SCFD1: variants seen among roughly 807,000 people sequenced by gnomAD.
The protein encoded by SCFD1 is sec1 family domain containing 1.
A neutral mutation model predicts 103.2 loss-of-function variants in SCFD1; 37 were observed. That is an observed-to-expected ratio of 0.36 (90% confidence interval 0.28 to 0.47). SCFD1 has a LOEUF of 0.47. Among genes scored for constraint, SCFD1 ranks in the 20% least tolerant of loss-of-function variants. SCFD1 has a pLI of 1.00. For missense variants in SCFD1, 639 were observed against 761.2 expected, an observed-to-expected ratio of 0.84 and a Z score of 1.89; for synonymous variants, 264 against 245.0, an observed-to-expected ratio of 1.08 and a Z score of -0.73.
At chr14:30,706,609 A>G (rs1891487163) in intron 18 of SCFD1, among the ~76,000 whole-genome samples, 1 of 152,206 alleles carries the variant, frequency 6.6e-6, no homozygotes, top group Non-Finnish European at 1.5e-5. Context: ...AAGCAGTGCT[A>G]AATGATAGGA....
chr14:30,705,150 G>C (rs1410020725), intron 17 of SCFD1, among the ~76,000 whole-genome samples: 1 of 152,138 alleles, frequency 6.6e-6, no homozygotes. Context: ...AAAATCTGTG[G>C]TATATAATAT....
chr14:30,635,163 C>T (rs1884595824), intron 4 of SCFD1: 1 of 352,160 alleles, frequency 2.8e-6, no homozygotes, highest in Admixed American at 4.0e-5. Context: ...CCAGCTTTCT[C>T]TTTTACCCTG....
chr14:30,697,410 A>G (rs1890773670), intron 15 of SCFD1, among the ~76,000 whole-genome samples: 1 of 152,242 alleles, frequency 6.6e-6, no homozygotes, highest in South Asian at 2.1e-4. Flanking sequence ...CCAAGAGTCC[A>G]TGTGGACATA....
Position 30,669,325 on chromosome 14 carries a change from C to T in SCFD1, c.856-931C>T, listed in dbSNP as rs185225226. On this transcript the variant is annotated intron_variant, in intron 10 of 24. Coordinates refer to ENST00000458591, the MANE Select transcript of SCFD1 (RefSeq NM_016106.4). ...ATTTCAGTCATGCTGGATAATTTCTCCATACTGTGTCTTCCTTCTTCATCA... is the reference window on the plus strand; with the variant it reads ...ATTTCAGTCATGCTGGATAATTTCTTCATACTGTGTCTTCCTTCTTCATCA... Among the ~76,000 whole-genome samples, 240 of 152,124 alleles carry T rather than the reference C, an allele frequency of 1.6e-3. 1 individual carries two copies. The Middle Eastern group carries it at 0.021, about 13-fold the overall frequency.
At chr14:30,665,978 A>G (rs969517621) in intron 10 of SCFD1, among the ~76,000 whole-genome samples, 1 of 152,154 alleles carries the variant, frequency 6.6e-6, no homozygotes, top group African/African-American at 2.4e-5. Flanking sequence ...AGACTTTAAC[A>G]CCCCACTGTC....
intron 1 of SCFD1, among the ~76,000 whole-genome samples, chr14:30,624,779 C>A (rs183519413): frequency 6.6e-6 from 1 of 152,184 alleles, no homozygotes; most frequent in Non-Finnish European, 1.5e-5. Context: ...AGGCTTTATA[C>A]GATCTGGTTT....
At chr14:30,681,663 AAAAG>A (rs1366087795) in intron 14 of SCFD1, among the ~76,000 whole-genome samples, 4 of 148,224 alleles carry the variant, frequency 2.7e-5, no homozygotes, top group East Asian at 2.0e-4. Context: ...GCCAAGATAA[AAAAG>A]AGAGAGATGA....
chr14:30,683,946 A>T (rs1889708833), intron 14 of SCFD1, among the ~76,000 whole-genome samples: 1 of 152,148 alleles, frequency 6.6e-6, no homozygotes, highest in African/African-American at 2.4e-5. Flanking sequence ...TTGGTCATCA[A>T]CCCAGTCATT....
chr14:30,684,799 G>GTTTA (rs1889820677), intron 14 of SCFD1, among the ~76,000 whole-genome samples: 6 of 38,292 alleles, frequency 1.6e-4, no homozygotes, highest in East Asian at 9.7e-4. Flanking sequence ...TGTTGCAATT[G>GTTTA]TTTCTTTTTT....
chr14:30,728,260 A>G (rs1893192740), intron 23 of SCFD1, among the ~76,000 whole-genome samples: 1 of 152,206 alleles, frequency 6.6e-6, no homozygotes, highest in South Asian at 2.1e-4. Flanking sequence ...CCACTTTGAA[A>G]AGTGTTTCAA....
chr14:30,639,341 C>G (rs1885041834), intron 5 of SCFD1, among the ~76,000 whole-genome samples: 1 of 152,164 alleles, frequency 6.6e-6, no homozygotes, highest in African/African-American at 2.4e-5. Context: ...AATTTTTCTC[C>G]TACTCTGCAC....
intron 8 of SCFD1, 37 bp from the exon 9 acceptor site, chr14:30,650,528 A>T: frequency 8.3e-7 from 1 of 1,201,566 alleles, no homozygotes; most frequent in Non-Finnish European, 1.2e-6. Flanking sequence ...AAGTTATATG[A>T]AACTGTTAAG....
intron 2 of SCFD1, among the ~76,000 whole-genome samples, chr14:30,628,871 A>G (rs1234487049): frequency 2.0e-5 from 3 of 152,144 alleles, no homozygotes; most frequent in Non-Finnish European, 4.4e-5. Flanking sequence ...GTCTCTTTAT[A>G]TTTCTCTCTT....
At chr14:30,707,939 T>A (rs1299284793) in intron 18 of SCFD1, 51 bp from the exon 19 acceptor site, 1 of 1,196,048 alleles carries the variant, frequency 8.4e-7, no homozygotes, top group African/African-American at 1.5e-5. Context: ...GATAACAGAT[T>A]GGAGAGGCAC....
At chr14:30,683,383 C>A in intron 14 of SCFD1, 1 of 543,540 alleles carries the variant, frequency 1.8e-6, no homozygotes. Context: ...CTCAGGTCTT[C>A]ATATATTGTG....
intron 21 of SCFD1, among the ~76,000 whole-genome samples, chr14:30,720,902 T>G (rs1475206263): frequency 6.6e-6 from 1 of 152,160 alleles, no homozygotes; most frequent in African/African-American, 2.4e-5. Context: ...TATTTAATCC[T>G]TAATGTAGTT....
At chr14:30,694,066 A>G (rs1890512374) in intron 14 of SCFD1, among the ~76,000 whole-genome samples, 1 of 152,176 alleles carries the variant, frequency 6.6e-6, no homozygotes, top group African/African-American at 2.4e-5. Context: ...AGTTTTTTTA[A>G]AAAAACAAAA....
intron 18 of SCFD1, among the ~76,000 whole-genome samples, chr14:30,707,438 T>C (rs1157598173): frequency 6.6e-6 from 1 of 152,182 alleles, no homozygotes; most frequent in African/African-American, 2.4e-5. Flanking sequence ...CTGTTTCACA[T>C]TTTTTTATGA....
At chr14:30,693,364 G>A (rs964559670) in intron 14 of SCFD1, among the ~76,000 whole-genome samples, 1 of 152,116 alleles carries the variant, frequency 6.6e-6, no homozygotes, top group Non-Finnish European at 1.5e-5. Context: ...AGGACGGGGT[G>A]AAAAATAAGG....
Sources: allele counts gnomAD v4.1 joint callset (sites outside exome capture counted in the v4.1 genomes callset), GRCh38; gene constraint gnomAD v4.1.1; transcripts MANE v1.5; gene names NCBI Gene and HGNC (gene_info 2026-07-23, HGNC 2026-07-21).